STXBP4: variants seen among roughly 807,000 people sequenced by gnomAD.
STXBP4 encodes the protein syntaxin-binding protein 4.
Under a neutral mutation model 76.1 loss-of-function variants are expected in STXBP4, and 55 were observed. The ratio of observed to expected loss-of-function variants is 0.72; its 90% CI spans 0.58 to 0.91. STXBP4 has a LOEUF of 0.91. STXBP4 is among the 40% of genes least tolerant of loss of function. The probability of loss-of-function intolerance (pLI) is 0.00; values close to 1 mark genes in which losing one functional copy is unlikely to be tolerated. For missense variants in STXBP4, 618 were observed against 636.9 expected (o/e 0.97, Z 0.32); for synonymous variants, 201 against 220.2 (o/e 0.91, Z 0.77).
intron 1 of STXBP4, among the ~76,000 whole-genome samples, chr17:54,969,487 T>C (rs1001163618): frequency 6.6e-6 from 1 of 152,260 alleles, no homozygotes; most frequent in Non-Finnish European, 1.5e-5. Context: ...GTCCTCACCA[T>C]GGCCCTGTGC....
chr17:55,100,074 C>T lies in STXBP4; in HGVS notation c.1489+18891C>T, dbSNP rs141002768. 2.0e-4 allele frequency among the ~76,000 whole-genome samples: 30 copies of T among 152,186 alleles called. 1 individual carries two copies. The East Asian group carries it at 5.6e-3, about 28-fold the overall frequency. On this transcript the variant is annotated intron_variant, in intron 16 of 17. Coordinates refer to ENST00000376352, the MANE Select transcript of STXBP4 (RefSeq NM_178509.6). Reference sequence around the variant, plus strand: ...TAGAGTGAACCTCAACCAGCCCAGGCATAAAAGGAGCATGAATGATGCCTT... The same window carrying T: ...TAGAGTGAACCTCAACCAGCCCAGGTATAAAAGGAGCATGAATGATGCCTT...
intron 16 of STXBP4, among the ~76,000 whole-genome samples, chr17:55,124,119 A>G (rs1427684867): frequency 2.0e-5 from 3 of 152,182 alleles, no homozygotes; most frequent in Non-Finnish European, 4.4e-5. Context: ...GTGTTTAGGT[A>G]AAAGGGACAG....
intron 12 of STXBP4, among the ~76,000 whole-genome samples, chr17:55,049,649 A>G (rs1313882959): frequency 6.6e-6 from 1 of 152,034 alleles, no homozygotes; most frequent in Non-Finnish European, 1.5e-5. Flanking sequence ...TAAAAAGGAC[A>G]CACAAAGAAA....
chr17:55,064,775 A>G (rs2079030747), intron 12 of STXBP4, among the ~76,000 whole-genome samples: 1 of 152,090 alleles, frequency 6.6e-6, no homozygotes, highest in South Asian at 2.1e-4. Context: ...AAGTGCCGGG[A>G]TTACAGTCTA....
chr17:55,086,234 A>G (rs1034102828), intron 16 of STXBP4, among the ~76,000 whole-genome samples: 9 of 152,132 alleles, frequency 5.9e-5, no homozygotes, highest in African/African-American at 2.2e-4. Flanking sequence ...TTATGCAATC[A>G]GGTTTTTTAT....
intron 12 of STXBP4, among the ~76,000 whole-genome samples, chr17:55,067,717 A>G (rs2079071495): frequency 6.6e-6 from 1 of 152,194 alleles, no homozygotes; most frequent in Admixed American, 6.5e-5. Context: ...TAAAGAACAC[A>G]GTAGGCAGGG....
At chr17:55,205,187 G>A in the STXBP4 span, among the ~76,000 whole-genome samples, 1 of 151,914 alleles carries the variant, frequency 6.6e-6, no homozygotes, top group African/African-American at 2.4e-5. Flanking sequence ...TAAAGTTTTA[G>A]TAATAAAACC....
intron 17 of STXBP4, among the ~76,000 whole-genome samples, chr17:55,159,021 G>A (rs1393122073): frequency 6.6e-6 from 1 of 152,222 alleles, no homozygotes; most frequent in Non-Finnish European, 1.5e-5. Flanking sequence ...AAGGTGGGTG[G>A]ATCACTTAAG....
chr17:55,122,135 G>A (rs975138383), intron 16 of STXBP4, among the ~76,000 whole-genome samples: 2 of 152,096 alleles, frequency 1.3e-5, no homozygotes, highest in Non-Finnish European at 2.9e-5. Flanking sequence ...TTTAAAAAAT[G>A]TTGAAGATGT....
rs551726174 is a variant in STXBP4, at chr17:55,047,587, AT to A, written c.1011+436del. On this transcript the variant is annotated intron_variant, in intron 12 of 17. Transcript: ENST00000376352. The stretch of plus-strand genomic sequence containing the variant: ...TATTTGTTAATAATAAAAAGCAAAT[AT>A]TTATTTTCACTTTGCATTATTCTTC... Among the ~76,000 whole-genome samples the A allele has an allele frequency of 4.6e-3, 706 of 152,048 alleles. 3 individuals carry two copies. Among genetic ancestry groups the A allele is most frequent in the African/African-American group, 0.016 (669 of 41,546 alleles).
the STXBP4 span, among the ~76,000 whole-genome samples, chr17:55,193,270 G>A: frequency 3.9e-5 from 6 of 152,158 alleles, 1 homozygote; most frequent in Admixed American, 3.3e-4. Flanking sequence ...GCGAGTAAAG[G>A]AGAGCTGAGA....
chr17:55,076,344 C>T (rs1004469458), intron 13 of STXBP4, among the ~76,000 whole-genome samples: 2 of 152,158 alleles, frequency 1.3e-5, no homozygotes, highest in Non-Finnish European at 2.9e-5. Flanking sequence ...TTTCTTTCTT[C>T]ATGAGTACAT....
At chr17:55,196,375 A>G in the STXBP4 span, among the ~76,000 whole-genome samples, 5 of 152,090 alleles carry the variant, frequency 3.3e-5, no homozygotes, top group African/African-American at 9.7e-5. Flanking sequence ...ATTATATTCC[A>G]CTTCCACGTA....
At chr17:55,205,923 T>C in the STXBP4 span, among the ~76,000 whole-genome samples, 1 of 152,094 alleles carries the variant, frequency 6.6e-6, no homozygotes, top group Non-Finnish European at 1.5e-5. Context: ...TGAAGCATTA[T>C]TTCTAGCAGT....
intron 14 of STXBP4, 119 bp from the exon 15 acceptor site, chr17:55,078,567 A>G (rs1250666910): frequency 1.5e-6 from 1 of 647,102 alleles, no homozygotes; most frequent in Non-Finnish European, 2.7e-6. Context: ...CCCCCGCTAC[A>G]TAATAGAAGC....
chr17:55,180,333 T>C, the STXBP4 span, among the ~76,000 whole-genome samples: 1 of 152,200 alleles, frequency 6.6e-6, no homozygotes, highest in Non-Finnish European at 1.5e-5. Flanking sequence ...CATTTGTTCT[T>C]CTTTGCATAA....
At chr17:54,980,553 G>A (rs9903825) in intron 1 of STXBP4, among the ~76,000 whole-genome samples, 42,709 of 152,110 alleles carry the variant, frequency 0.28, 6,256 homozygotes, top group African/African-American at 0.35. Context: ...GAATATTCTG[G>A]GGTTTAAATT....
In STXBP4 at chr17:55,138,267, A is replaced by G. The variant is rs2080057525; in HGVS notation, c.1490-3043A>G. Among the ~76,000 whole-genome samples, 3 of 152,132 alleles carry G rather than the reference A, an allele frequency of 2.0e-5. No individual in the cohort carries two copies. The South Asian group carries it at 6.2e-4, about 31-fold the overall frequency. ...TTGAACATCTAGCAAAATGCTGAAC[A>G]CATAATAAAGGATCAATAAATATTT... On this transcript the variant is annotated intron_variant, in intron 16 of 17. Coordinates refer to ENST00000376352, the MANE Select transcript of STXBP4 (RefSeq NM_178509.6).
intron 4 of STXBP4, among the ~76,000 whole-genome samples, chr17:54,996,436 T>C (rs1250015339): frequency 1.3e-5 from 2 of 152,010 alleles, no homozygotes; most frequent in African/African-American, 4.8e-5. Context: ...CAACTTTTCC[T>C]ACCAGTTGGC....
Sources: gnomAD v4.1 joint callset for allele counts (sites outside exome capture counted in the v4.1 genomes callset) on GRCh38, gnomAD v4.1.1 for gene constraint, MANE v1.5 for transcripts, NCBI Gene and HGNC (gene_info 2026-07-23, HGNC 2026-07-21) for gene names.